PIK3AP1: variants seen among roughly 807,000 people sequenced by gnomAD.
PIK3AP1 encodes the protein phosphoinositide-3-kinase adaptor protein 1.
A neutral mutation model predicts 88.1 loss-of-function variants in PIK3AP1; 21 were observed. The ratio of observed to expected loss-of-function variants is 0.24; its 90% CI spans 0.17 to 0.34. The LOEUF is 0.34. Ranked by LOEUF, PIK3AP1 falls within the 10% of genes least tolerant of loss-of-function variation. The pLI is 1.00. For missense variants in PIK3AP1, 828 were observed against 1,035.7 expected, an observed-to-expected ratio of 0.80 and a Z score of 2.75; for synonymous variants, 398 against 400.0, an observed-to-expected ratio of 1.00 and a Z score of 0.06.
rs559578237 is a variant in PIK3AP1 at position 96,606,081 on chromosome 10, TCAAAAA to T, written c.2171-2038_2171-2033del. Among the ~76,000 whole-genome samples the T allele has an allele frequency of 5.4e-3, 822 of 152,232 alleles. 7 individuals are homozygous for T. The highest frequency in any genetic ancestry group is 0.019 in the African/African-American group (786 of 41,536). ...CTGGGCGACAGAGTGAGACTCCGTC[TCAAAAA>T]CAAAAACAAAAACAAAAAGGAACAT... On this transcript the variant is annotated intron_variant, in intron 14 of 16. Coordinates refer to ENST00000339364, the MANE Select transcript of PIK3AP1 (RefSeq NM_152309.3).
chr10:96,675,118 C>G (rs1843900135), intron 2 of PIK3AP1, among the ~76,000 whole-genome samples: 1 of 151,964 alleles, frequency 6.6e-6, no homozygotes. Flanking sequence ...GCCTTGAACC[C>G]CTGACCTCAG....
chr10:96,709,671 T>A lies in PIK3AP1; in HGVS notation c.326A>T (p.Glu109Val). 1.9e-6 allele frequency: 3 copies of A among 1,614,250 alleles called. No individual in the cohort carries two copies. The highest frequency in any genetic ancestry group is 2.5e-6 in the Non-Finnish European group (3 of 1,180,038). Residue 109 changes from glutamate to valine, a missense_variant, in exon 2 of 17, where the codon GAG becomes GTG. This residue lies in a region of PIK3AP1 where 610 missense variants were observed against 760.1 expected (regional missense o/e 0.80). Coordinates refer to ENST00000339364, the MANE Select transcript of PIK3AP1 (RefSeq NM_152309.3). ...ATCTGGAAAGAAGTCTAGGAACTCC[T>A]CGCTGTCCCGCACGCCGCAGAGCAG... ...VRLLCGVRDSEEFLDFFPDWA... is the reference protein window; with the variant it reads ...VRLLCGVRDSVEFLDFFPDWA...
rs1266106879 is a variant in PIK3AP1, at chr10:96,657,834, A to T, written c.431-900T>A. Among the ~76,000 whole-genome samples, 122 of 152,076 alleles carry T rather than the reference A, an allele frequency of 8.0e-4. 1 individual carries two copies. The highest frequency in any genetic ancestry group is 3.4e-3 in the Middle Eastern group (1 of 292). ...ATCCCAGCACTTTGGGAGGCCAAGG[A>T]AGGCGGATCACCTGAGGTCAGGAGT... On this transcript the variant is annotated intron_variant, in intron 2 of 16. Transcript: ENST00000339364.
Position 96,709,982 on chromosome 10 carries a change from C to T in PIK3AP1, c.15G>A (p.Gly5=), listed in dbSNP as rs760573835. The T allele has an allele frequency of 3.2e-6, 5 of 1,577,148 alleles. No homozygotes were observed. Among genetic ancestry groups the T allele is most frequent in the Non-Finnish European group, 4.3e-6 (5 of 1,155,630 alleles). The change falls in exon 2 of 17, where the codon GGG becomes GGA. Residue 5 remains glycine (G), a splice_region_variant and synonymous_variant. Transcript: ENST00000339364. MAAS[G]VPRGCDILIV... ...TGAGGATGTCGCATCCTCTGGGCAC[C>T]CCTGGACAAGAATGAGGCACAGAAG... is the stretch of plus-strand genomic sequence containing the variant.
At chr10:96,669,718 C>G (rs1317786111) in intron 2 of PIK3AP1, 1 of 152,188 alleles carries the variant, frequency 6.6e-6, no homozygotes, top group African/African-American at 2.4e-5. Context: ...TGAGATCGCA[C>G]CATTGCACTC....
intron 10 of PIK3AP1, among the ~76,000 whole-genome samples, chr10:96,625,412 A>G (rs187218761): frequency 1.2e-4 from 18 of 152,288 alleles, no homozygotes; most frequent in Admixed American, 1.2e-3. Context: ...TGCCAAGGAG[A>G]TAATACCCAA....
rs113897719 is a variant in PIK3AP1 at position 96,601,132 on chromosome 10, A to G, written c.2360+1148T>C. Among the ~76,000 whole-genome samples, 508 of 152,358 alleles carry G rather than the reference A, an allele frequency of 3.3e-3. 7 individuals carry two copies. The highest frequency in any genetic ancestry group is 0.011 in the African/African-American group (477 of 41,590). Reference sequence around the variant, plus strand: ...GTTCTCACTATAGGCCAAGAACTCAATGCTTATGATTCTGCAGAAAGTTCT... The same window carrying G: ...GTTCTCACTATAGGCCAAGAACTCAGTGCTTATGATTCTGCAGAAAGTTCT... On this transcript the variant is annotated intron_variant, in intron 16 of 16. Transcript: ENST00000339364.
chr10:96,682,379 C>G (rs1844015203), intron 2 of PIK3AP1, among the ~76,000 whole-genome samples: 1 of 152,062 alleles, frequency 6.6e-6, no homozygotes, highest in Non-Finnish European at 1.5e-5. Flanking sequence ...GCTCCTGCAT[C>G]TGTTGTTTGA....
At chr10:96,688,806 AG>A (rs200345407) in intron 2 of PIK3AP1, among the ~76,000 whole-genome samples, 141 of 151,452 alleles carry the variant, frequency 9.3e-4, no homozygotes, top group African/African-American at 1.7e-3. Context: ...CTCAAAAAAA[AG>A]AAAGAAAGAA....
chr10:96,641,050 T>G (rs1843379562), intron 8 of PIK3AP1, among the ~76,000 whole-genome samples: 1 of 151,810 alleles, frequency 6.6e-6, no homozygotes, highest in Non-Finnish European at 1.5e-5. Flanking sequence ...TACCACCTGG[T>G]GGCAGCATAT....
At chr10:96,692,736 G>A (rs889199176) in intron 2 of PIK3AP1, among the ~76,000 whole-genome samples, 8 of 152,200 alleles carry the variant, frequency 5.3e-5, no homozygotes, top group African/African-American at 1.7e-4. Flanking sequence ...GTATAGCTCA[G>A]TGGCAGAGCA....
intron 2 of PIK3AP1, chr10:96,700,820 C>T (rs966782239): frequency 6.0e-5 from 59 of 985,566 alleles, no homozygotes; most frequent in Non-Finnish European, 6.9e-5. Flanking sequence ...GAGGCCACGA[C>T]ACCGAGCAGA....
chr10:96,601,477 A>AAAG (rs1414585278), intron 16 of PIK3AP1, among the ~76,000 whole-genome samples: 1 of 150,688 alleles, frequency 6.6e-6, no homozygotes, highest in Admixed American at 6.6e-5. Flanking sequence ...CTATCTCAAA[A>AAAG]AAAAAAAAAA....
chr10:96,712,589 T>C (rs536559081), intron 1 of PIK3AP1, among the ~76,000 whole-genome samples: 2 of 152,370 alleles, frequency 1.3e-5, no homozygotes, highest in East Asian at 3.9e-4. Flanking sequence ...TACATAACTA[T>C]GCAACTGACA....
chr10:96,613,850 C>T (rs576773499), intron 13 of PIK3AP1, among the ~76,000 whole-genome samples: 10 of 152,296 alleles, frequency 6.6e-5, no homozygotes, highest in Admixed American at 5.2e-4. Context: ...AGGCACTGTG[C>T]TAAGCACTGG....
At chr10:96,712,269 G>A (rs2134293819) in intron 1 of PIK3AP1, among the ~76,000 whole-genome samples, 1 of 152,240 alleles carries the variant, frequency 6.6e-6, no homozygotes, top group South Asian at 2.1e-4. Flanking sequence ...GTATGGAACT[G>A]GCGAAAACCA....
chr10:96,694,188 T>C (rs1461258290), intron 2 of PIK3AP1, among the ~76,000 whole-genome samples: 1 of 152,140 alleles, frequency 6.6e-6, no homozygotes, highest in Non-Finnish European at 1.5e-5. Context: ...CATTAAGTAA[T>C]AGGGTAACAC....
rs1843068235 is a variant in PIK3AP1, at chr10:96,620,698, T to TA, written c.1736-142dup. 13 of 680,436 alleles carry TA rather than the reference T, an allele frequency of 1.9e-5. No homozygotes were observed. The South Asian group carries it at 2.4e-4, about 13-fold the overall frequency. 42.1% of individuals were successfully genotyped at this position (680,436 alleles called of 1,614,324 possible). On this transcript the variant is annotated intron_variant, in intron 11 of 16. Transcript: ENST00000339364. ...TTACATGTGGCCAAGAAGGGGGAGA[T>TA]ACAACATAAAATCAGGGGAGAAGAA...
chr10:96,654,473 C>T (rs1348537483), intron 3 of PIK3AP1, among the ~76,000 whole-genome samples: 1 of 152,164 alleles, frequency 6.6e-6, no homozygotes, highest in Non-Finnish European at 1.5e-5. Flanking sequence ...ATCCTGGCTC[C>T]TGGGGCTGCT....
Sources: allele counts gnomAD v4.1 joint callset (sites outside exome capture counted in the v4.1 genomes callset), GRCh38; gene constraint gnomAD v4.1.1; regional missense constraint gnomAD v4.1.1; transcripts MANE v1.5; gene names NCBI Gene and HGNC (gene_info 2026-07-23, HGNC 2026-07-21).